RHPN1: variants seen among roughly 807,000 people sequenced by gnomAD.
RHPN1 encodes the protein rhophilin Rho GTPase binding protein 1.
A neutral mutation model predicts 74.7 loss-of-function variants in RHPN1; 77 were observed. That is an observed-to-expected ratio of 1.03 (90% CI 0.86 to 1.25). RHPN1 has a LOEUF of 1.25. RHPN1 is among the 50% of genes most tolerant of loss of function. RHPN1 has a pLI of 0.00. For missense variants in RHPN1, 987 were observed against 932.2 expected, an observed-to-expected ratio of 1.06 and a Z score of -0.77; for synonymous variants, 444 against 414.5, an observed-to-expected ratio of 1.07 and a Z score of -0.87.
Position 143,378,694 on chromosome 8 carries a change from A to C in RHPN1, c.460-2A>C. 1.3e-6 allele frequency: 2 copies of C among 1,593,846 alleles called. No homozygotes were observed. The highest frequency in any genetic ancestry group is 1.7e-6 in the Non-Finnish European group (2 of 1,171,684). ...TGGGGCCCAGTGGCTCCTGCCCTGC[A>C]GGCCATGCGGACCCCCAGCCGGAAT... On this transcript the variant is annotated splice_acceptor_variant, in intron 5 of 14. Transcript: ENST00000289013. LOFTEE classifies it high-confidence loss of function.
intron 1 of RHPN1, among the ~76,000 whole-genome samples, chr8:143,374,547 G>A (rs1249795853): frequency 6.6e-6 from 1 of 152,242 alleles, no homozygotes; most frequent in Non-Finnish European, 1.5e-5. Context: ...CATGGAAGGA[G>A]TGGGTGCTGG....
chr8:143,375,039 C>T (rs775037586), intron 1 of RHPN1, among the ~76,000 whole-genome samples: 1 of 152,156 alleles, frequency 6.6e-6, no homozygotes. Flanking sequence ...CAGTGGCCGC[C>T]CCCAGAGCCT....
chr8:143,380,070 G>A lies in RHPN1; in HGVS notation c.1111G>A (p.Glu371Lys), dbSNP rs778007273. ...MALCDGSPAT[E>K]GELPTHEQVF... ...GCCTCTCTGTCCCCCAGCAGCGACC[G>A]AGGGAGAGCTCCCCACGCACGAGCA... Residue 371 changes from glutamate to lysine, a missense_variant, in exon 10 of 15, where the codon GAG becomes AAG. Transcript: ENST00000289013. 1.9e-4 allele frequency: 297 copies of A among 1,548,592 alleles called. 1 individual carries two copies. The Middle Eastern group carries it at 4.0e-3, about 21-fold the overall frequency.
At chr8:143,375,459 A>C in intron 1 of RHPN1, 94 bp from the exon 2 acceptor site, 2 of 791,920 alleles carry the variant, frequency 2.5e-6, no homozygotes, top group Admixed American at 6.0e-5. Flanking sequence ...CCCGTTACCC[A>C]TGGGCAGGAT....
In RHPN1 at chr8:143,381,789, G is replaced by A. The variant is rs956316180; in HGVS notation, c.1636-18G>A. 12 of 1,609,544 alleles carry A rather than the reference G, an allele frequency of 7.5e-6. No homozygotes were observed. Among genetic ancestry groups the A allele is most frequent in the South Asian group, 4.4e-5 (4 of 90,348 alleles). On this transcript the variant is annotated intron_variant, in intron 13 of 14. Transcript: ENST00000289013. ...CAGGGTGTCCTGTCCCCACCTCACC[G>A]TCCAAGTCTCCCCACAGGCGGCTGG...
At chr8:143,377,335 G>T (rs528941063) in intron 3 of RHPN1, 45 bp from the exon 4 acceptor site, 1 of 1,530,624 alleles carries the variant, frequency 6.5e-7, no homozygotes, top group East Asian at 2.3e-5. Context: ...GCCGTGGGCA[G>T]CAGGGTTTGG....
intron 3 of RHPN1, among the ~76,000 whole-genome samples, chr8:143,377,134 A>G (rs1487896106): frequency 6.9e-6 from 1 of 145,918 alleles, no homozygotes; most frequent in African/African-American, 2.6e-5. Flanking sequence ...GTATGCACGC[A>G]TGTGTTTGTG....
intron 3 of RHPN1, among the ~76,000 whole-genome samples, chr8:143,376,908 GTGTC>G (rs1243101736): frequency 2.3e-5 from 3 of 132,360 alleles, no homozygotes; most frequent in East Asian, 2.2e-4. Flanking sequence ...GTGTGCGCGT[GTGTC>G]TGTGTGTCTG....
intron 3 of RHPN1, among the ~76,000 whole-genome samples, chr8:143,377,054 G>A (rs28457585): frequency 4.2e-5 from 1 of 23,810 alleles, no homozygotes; most frequent in Non-Finnish European, 3.2e-4. Context: ...GTGTGTGTCT[G>A]TGTGTGCGCG....
rs757379542 is a variant in RHPN1 at position 143,378,805 on chromosome 8, G to A, written c.569G>A (p.Gly190Glu). 2.6e-6 allele frequency: 4 copies of A among 1,565,102 alleles called. No homozygotes were observed. In the East Asian group the frequency reaches 9.6e-5, roughly 37 times the overall value. ...TTCCTCACCCCTGCCAGGAGCCTCG[G>A]GCTCTTCTTCCACTGGTAGGGGCTC... ...ARFLTPARSL[G>E]LFFHWYDSLT... The change falls in exon 6 of 15, where the codon GGG (glycine) becomes GAG (glutamate). Residue 190 changes from glycine (G) to glutamate (E), a missense_variant. Transcript: ENST00000289013.
At chr8:143,376,930 CTGTG>C (rs1219874747) in intron 3 of RHPN1, among the ~76,000 whole-genome samples, 11 of 134,664 alleles carry the variant, frequency 8.2e-5, no homozygotes, top group African/African-American at 1.7e-4. Context: ...CTGCATGTGT[CTGTG>C]TGTGCATCTC....
rs1047190004 is a variant in RHPN1 at position 143,375,761 on chromosome 8, G to T, written c.176+93G>T. 5.6e-6 allele frequency: 5 copies of T among 899,914 alleles called. No homozygotes were observed. The South Asian group carries it at 6.4e-5, about 12-fold the overall frequency. The allele number at this position is 899,914 out of a possible 1,614,324, so 55.7% of individuals were successfully genotyped here. On this transcript the variant is annotated intron_variant, in intron 2 of 14. Coordinates refer to ENST00000289013, the MANE Select transcript of RHPN1 (RefSeq NM_052924.3). ...GCAGGCAGATGTCTGCCCCATGGCC[G>T]GGTCACAGAGACAGGTGCATGAGCA... is the stretch of plus-strand genomic sequence containing the variant.
chr8:143,381,447 C>T, intron 12 of RHPN1, 103 bp downstream of exon 12: 1 of 1,453,756 alleles, frequency 6.9e-7, no homozygotes, highest in East Asian at 2.4e-5. Context: ...TGGTCCAGCC[C>T]TCCCCACCCA....
chr8:143,375,706 C>T, intron 2 of RHPN1, 38 bp downstream of exon 2: 2 of 1,498,940 alleles, frequency 1.3e-6, no homozygotes, highest in Non-Finnish European at 1.8e-6. Flanking sequence ...GGAGCAGGGC[C>T]CACCTGGGTG....
chr8:143,374,163 G>C, intron 1 of RHPN1: 6 of 985,444 alleles, frequency 6.1e-6, no homozygotes, highest in Non-Finnish European at 7.2e-6. Flanking sequence ...AGGAAAACAC[G>C]TGTGAGCTCT....
At chr8:143,371,480 T>TG (rs1382773284) in intron 1 of RHPN1, among the ~76,000 whole-genome samples, 1 of 152,062 alleles carries the variant, frequency 6.6e-6, no homozygotes, top group Non-Finnish European at 1.5e-5. Context: ...CAGGGGATCC[T>TG]GGGGGAGAGT....
At chr8:143,379,766 G>A (rs1323028291) in intron 8 of RHPN1, 63 bp from the exon 9 acceptor site, 4 of 1,537,246 alleles carry the variant, frequency 2.6e-6, no homozygotes, top group Admixed American at 3.7e-5. Context: ...AGGCTGGGTA[G>A]GGAGAAGCAG....
At chr8:143,372,040 G>A (rs1195053493) in intron 1 of RHPN1, among the ~76,000 whole-genome samples, 1 of 152,218 alleles carries the variant, frequency 6.6e-6, no homozygotes, top group Non-Finnish European at 1.5e-5. Context: ...CGGGTAGGGA[G>A]GCCGAGGAAT....
chr8:143,382,775 C>A lies in RHPN1; in HGVS notation c.*124C>A. On this transcript the variant is annotated 3_prime_UTR_variant, in exon 15 of 15. Transcript: ENST00000289013. ...GCCTCATGCTGGAGGCTGCCTCGGG[C>A]ACCTGCCTGCCCATTAAAGACTGGT... 1 of 790,712 alleles carries A rather than the reference C, an allele frequency of 1.3e-6. No homozygotes were observed. Among genetic ancestry groups the A allele is most frequent in the Non-Finnish European group, 2.0e-6 (1 of 501,022 alleles). 49.0% of individuals were successfully genotyped at this position (790,712 alleles called of 1,614,324 possible). A position where few individuals can be genotyped will look rare whatever the true frequency, so the allele number is the denominator to read the frequency against.
Sources: allele counts gnomAD v4.1 joint callset (sites outside exome capture counted in the v4.1 genomes callset), GRCh38; gene constraint gnomAD v4.1.1; transcripts MANE v1.5; gene names NCBI Gene and HGNC (gene_info 2026-07-23, HGNC 2026-07-21).